Variants in ABCD4 observed in about 807,000 individuals in gnomAD.
ABCD4 encodes the protein lysosomal cobalamin transporter ABCD4.
A neutral mutation model predicts 86.3 loss-of-function variants in ABCD4; 53 were observed. The observed-to-expected ratio is 0.61, with a 90% CI of 0.49 to 0.77. ABCD4 has a LOEUF of 0.77. Ranked by LOEUF, ABCD4 falls within the 30% of genes least tolerant of loss-of-function variation. The pLI, the probability that ABCD4 is intolerant of heterozygous loss-of-function variation, is 0.00. For synonymous variants in ABCD4, 328 were observed against 313.6 expected (o/e 1.05, Z -0.49); for missense variants, 757 against 764.5 (o/e 0.99, Z 0.12).
At chr14:74,294,807 G>C in intron 7 of ABCD4, 1 of 296,020 alleles carries the variant, frequency 3.4e-6, no homozygotes. Context: ...TCAGGCACTG[G>C]CAAGAAAGCT....
rs770903927 is a variant in ABCD4, at chr14:74,290,485, G to A, written c.1133C>T (p.Pro378Leu). Residue 378 changes from proline to leucine, a missense_variant, in exon 12 of 19, where the codon CCA becomes CTA. Coordinates refer to ENST00000356924, the MANE Select transcript of ABCD4 (RefSeq NM_005050.4). ...TGCTGTGTCTGCTGGCTCTGCCGCT[G>A]GCCACCCTGGGGGTCTGTGTCAGAG... ...EWGLDTPPGW[P>L]AAEPADTAFL... 9 of 1,613,216 alleles carry A rather than the reference G, an allele frequency of 5.6e-6. No individual in the cohort carries two copies. Among genetic ancestry groups the A allele is most frequent in the Non-Finnish European group, 7.6e-6 (9 of 1,180,002 alleles).
chr14:74,292,405 G>A (rs757082558), intron 10 of ABCD4, 29 bp from the exon 11 acceptor site: 2 of 1,612,116 alleles, frequency 1.2e-6, no homozygotes, highest in Non-Finnish European at 1.7e-6. Context: ...TCTGAGGCAG[G>A]GTCTGGGAGC....
Position 74,286,549 on chromosome 14 carries a change from C to T in ABCD4, c.1753-20G>A, listed in dbSNP as rs1316162101. 1.2e-6 allele frequency: 2 copies of T among 1,614,114 alleles called. No individual in the cohort carries two copies. The highest frequency in any genetic ancestry group is 1.7e-5 in the Admixed American group (1 of 60,014). ...ATGAAACTACAAGAGACCACCACCA[C>T]ATGGAGATCAGGCTGCCCTGGCCGC... On this transcript the variant is annotated intron_variant, in intron 18 of 18. Transcript: ENST00000356924.
chr14:74,299,778 G>A, intron 2 of ABCD4, 103 bp from the exon 3 acceptor site: 2 of 1,244,244 alleles, frequency 1.6e-6, no homozygotes, highest in Admixed American at 2.2e-5. Context: ...GAGATGAAAA[G>A]GGGCCGGGCG....
intron 2 of ABCD4, 76 bp from the exon 3 acceptor site, chr14:74,299,751 C>T (rs953316422): frequency 2.1e-6 from 3 of 1,442,894 alleles, no homozygotes; most frequent in African/African-American, 2.8e-5. Context: ...GAGTCCCTGC[C>T]TCATCAGCAC....
At chr14:74,301,117 G>A (rs954976268) in intron 1 of ABCD4, among the ~76,000 whole-genome samples, 16 of 150,686 alleles carry the variant, frequency 1.1e-4, no homozygotes, top group African/African-American at 3.9e-4. Context: ...GCCTCCCAAA[G>A]TGCTGGGATT....
In ABCD4 at chr14:74,289,783, C is replaced by T. The variant is rs1411464148; in HGVS notation, c.1419+244G>A. 38 of 1,436,496 alleles carry T rather than the reference C, an allele frequency of 2.6e-5. No homozygotes were observed. In the Middle Eastern group the frequency reaches 7.7e-4, roughly 29 times the overall value. 89.0% of individuals were successfully genotyped at this position (1,436,496 alleles called of 1,614,324 possible). On this transcript the variant is annotated intron_variant, in intron 13 of 18. Coordinates refer to ENST00000356924, the MANE Select transcript of ABCD4 (RefSeq NM_005050.4). The stretch of plus-strand genomic sequence containing the variant: ...TCCGACCTTGGGTGTTTGACATACG[C>T]GTGTGGTATTTGGCGTGAGTCCTTG...
chr14:74,294,232 T>C (rs1318584196), intron 7 of ABCD4: 1 of 152,124 alleles, frequency 6.6e-6, no homozygotes, highest in East Asian at 1.9e-4. Flanking sequence ...TTTTGTATTT[T>C]TAGTAGAGAC....
Position 74,300,425 on chromosome 14 carries a change from G to A in ABCD4, c.39-157C>T, listed in dbSNP as rs7158118. Among the ~76,000 whole-genome samples, 87,267 of 151,550 alleles carry A rather than the reference G, an allele frequency of 0.58. 26,273 individuals are homozygous for A. The highest frequency in any genetic ancestry group is 0.83 in the East Asian group (4,240 of 5,112). ...AGATGGTAGGCTGGGAACAGACCAC[G>A]GATACAAAGGAAATTCTTTGGCCAA... On this transcript the variant is annotated intron_variant, in intron 1 of 18. Coordinates refer to ENST00000356924, the MANE Select transcript of ABCD4 (RefSeq NM_005050.4).
Position 74,293,157 on chromosome 14 carries a change from A to G in ABCD4, c.811T>C (p.Tyr271His). The change falls in exon 8 of 19, where the codon TAC becomes CAC. Residue 271 changes from tyrosine (Y) to histidine (H), a missense_variant. Physicochemically the swap from Tyr to His is moderately conservative, Grantham distance 83. Coordinates refer to ENST00000356924, the MANE Select transcript of ABCD4 (RefSeq NM_005050.4). ...TTCCCTGGGCCCCCTCGCCTACTGT[A>G]CAGCCAGAGCTCCTTGGACATCAGC... is the stretch of plus-strand genomic sequence containing the variant. ...RELMSKELWL[Y>H]IGINTFDYLG... 1 of 1,613,904 alleles carries G rather than the reference A, an allele frequency of 6.2e-7. No individual in the cohort carries two copies. The highest frequency in any genetic ancestry group is 2.2e-5 in the East Asian group (1 of 44,868).
Position 74,286,386 on chromosome 14 carries a change from G to A in ABCD4, c.*75C>T, listed in dbSNP as rs552887859. 4.6e-6 allele frequency: 7 copies of A among 1,519,016 alleles called. No individual in the cohort carries two copies. The highest frequency in any genetic ancestry group is 1.7e-5 in the Admixed American group (1 of 59,772). 94.1% of individuals were successfully genotyped at this position (1,519,016 alleles called of 1,614,324 possible). A position where few individuals can be genotyped will look rare whatever the true frequency, so the allele number is the denominator to read the frequency against. ...TGTGGCGAACCTGAGCTCGATCTTC[G>A]CTGTCAGTCCTCCTGGTCTCTCCTG... On this transcript the variant is annotated 3_prime_UTR_variant, in exon 19 of 19. Coordinates refer to ENST00000356924, the MANE Select transcript of ABCD4 (RefSeq NM_005050.4).
intron 4 of ABCD4, chr14:74,297,676 C>T: frequency 8.6e-7 from 1 of 1,160,754 alleles, no homozygotes; most frequent in Non-Finnish European, 1.1e-6. Flanking sequence ...CCTCCTGCCT[C>T]AGCCTCCTGA....
At chr14:74,290,197 A>T in intron 12 of ABCD4, 79 bp from the exon 13 acceptor site, 1 of 1,610,916 alleles carries the variant, frequency 6.2e-7, no homozygotes, top group Middle Eastern at 1.7e-4. Context: ...CTTGTTCCCC[A>T]ACAGAAAAGA....
In ABCD4 at chr14:74,286,244, T is replaced by C; in HGVS notation, c.*217A>G. ...GGAGGCTCTGGCTGAGGCAGCAGAG[T>C]CCTGGGAGACTGAACACTGGGAGAT... is the stretch of plus-strand genomic sequence containing the variant. On this transcript the variant is annotated 3_prime_UTR_variant, in exon 19 of 19. Coordinates refer to ENST00000356924, the MANE Select transcript of ABCD4 (RefSeq NM_005050.4). 1.8e-6 allele frequency: 1 copy of C among 558,698 alleles called. No individual in the cohort carries two copies. The highest frequency in any genetic ancestry group is 2.2e-5 in the South Asian group (1 of 45,514). The allele number at this position is 558,698 out of a possible 1,614,324, so 34.6% of individuals were successfully genotyped here.
intron 11 of ABCD4, among the ~76,000 whole-genome samples, chr14:74,291,405 G>A (rs1459500217): frequency 6.6e-6 from 1 of 152,194 alleles, no homozygotes; most frequent in Non-Finnish European, 1.5e-5. Context: ...AGGTGGCTAA[G>A]TAACTGCCCA....
chr14:74,289,337 C>T, intron 14 of ABCD4, 146 bp downstream of exon 14: 3 of 1,453,034 alleles, frequency 2.1e-6, no homozygotes, highest in Non-Finnish European at 2.7e-6. Flanking sequence ...CCAAAACAGT[C>T]AAAGGAAGAG....
At chr14:74,288,889 G>A (rs2080605574) in intron 14 of ABCD4, 124 bp from the exon 15 acceptor site, 1 of 1,239,956 alleles carries the variant, frequency 8.1e-7, no homozygotes, top group Admixed American at 2.4e-5. Flanking sequence ...CGAGGCAGGT[G>A]GATCACAAGG....
In ABCD4 at chr14:74,299,530, G is replaced by A; in HGVS notation, c.285+18C>T. The A allele has an allele frequency of 6.2e-7, 1 of 1,612,650 alleles. No individual in the cohort carries two copies. Among genetic ancestry groups the A allele is most frequent in the Non-Finnish European group, 8.5e-7 (1 of 1,179,048 alleles). On this transcript the variant is annotated intron_variant, in intron 3 of 18. Transcript: ENST00000356924. ...GACTGGAGAGGACGAGAGACACAGA[G>A]AGAGGGAAAGATCTTACCGTGGAGT... is the stretch of plus-strand genomic sequence containing the variant.
chr14:74,295,430 CA>C (rs1434229641), intron 6 of ABCD4, among the ~76,000 whole-genome samples: 4 of 152,174 alleles, frequency 2.6e-5, no homozygotes, highest in African/African-American at 7.2e-5. Flanking sequence ...GCAGAGAGGA[CA>C]GGGGTATTCC....
Sources: gnomAD v4.1 joint callset for allele counts (sites outside exome capture counted in the v4.1 genomes callset) on GRCh38, gnomAD v4.1.1 for gene constraint, MANE v1.5 for transcripts, NCBI Gene and HGNC (gene_info 2026-07-23, HGNC 2026-07-21) for gene names.